The following PDS5A variants were observed in gnomAD, a reference collection of about 807,000 sequenced individuals.
The protein encoded by PDS5A is PDS5 cohesin associated factor A.
Under a neutral mutation model 167.1 loss-of-function variants are expected in PDS5A, and 42 were observed. The observed-to-expected ratio is 0.25, with a 90% CI of 0.20 to 0.33. PDS5A has a LOEUF of 0.33. PDS5A is among the 10% of genes least tolerant of loss of function. PDS5A has a pLI of 1.00. For missense variants in PDS5A, 1,033 were observed against 1,605.9 expected (o/e 0.64, Z 6.10); for synonymous variants, 553 against 554.6 (o/e 1.00, Z 0.04).
chr4:39,836,615 AT>A (rs71645192), intron 32 of PDS5A, among the ~76,000 whole-genome samples: 29,511 of 106,048 alleles, frequency 0.28, 2,745 homozygotes, highest in East Asian at 0.42. Flanking sequence ...ATTTTTTTCT[AT>A]TTTTTTTTTT....
At chr4:39,975,106 C>CAAAAA (rs57418654) in intron 2 of PDS5A, among the ~76,000 whole-genome samples, 1 of 85,230 alleles carries the variant, frequency 1.2e-5, no homozygotes, top group Non-Finnish European at 2.3e-5. Flanking sequence ...GACTCCGTCT[C>CAAAAA]AAAAAAAAAA....
At chr4:39,948,354 G>A (rs1219305766) in intron 2 of PDS5A, among the ~76,000 whole-genome samples, 1 of 105,900 alleles carries the variant, frequency 9.4e-6, no homozygotes, top group Non-Finnish European at 1.7e-5. Flanking sequence ...GTCTTGCTCT[G>A]TCACCCAGGC....
At chr4:39,836,615 A>ATTTTTTTT (rs71645192) in intron 32 of PDS5A, among the ~76,000 whole-genome samples, 249 of 106,046 alleles carry the variant, frequency 2.3e-3, no homozygotes, top group East Asian at 4.8e-3. Context: ...ATTTTTTTCT[A>ATTTTTTTT]TTTTTTTTTT....
chr4:39,969,395 G>A (rs138340016), intron 2 of PDS5A, among the ~76,000 whole-genome samples: 3 of 152,260 alleles, frequency 2.0e-5, no homozygotes, highest in African/African-American at 7.2e-5. Context: ...TAGCCAGGCA[G>A]AGTGGCTCAC....
chr4:39,927,343 G>A (rs1244050799), intron 3 of PDS5A, among the ~76,000 whole-genome samples: 1 of 152,178 alleles, frequency 6.6e-6, no homozygotes, highest in African/African-American at 2.4e-5. Context: ...TATGATTCAT[G>A]ATGGTAGTCT....
intron 21 of PDS5A, among the ~76,000 whole-genome samples, chr4:39,872,150 T>C (rs1408513439): frequency 6.6e-6 from 1 of 151,194 alleles, no homozygotes; most frequent in Admixed American, 6.6e-5. Context: ...TCTTAAAAAT[T>C]AGTCAAATTC....
intron 24 of PDS5A, 110 bp from the exon 25 acceptor site, chr4:39,863,183 T>A (rs1719142148): frequency 1.1e-6 from 1 of 938,614 alleles, no homozygotes; most frequent in African/African-American, 1.7e-5. Context: ...TATGGGAGAA[T>A]AAATAATGTA....
intron 9 of PDS5A, among the ~76,000 whole-genome samples, chr4:39,910,715 C>G (rs989368913): frequency 1.3e-5 from 2 of 152,128 alleles, no homozygotes; most frequent in South Asian, 2.1e-4. Context: ...ATAGGAGATT[C>G]CAGGCACGGT....
intron 3 of PDS5A, 53 bp from the exon 4 acceptor site, chr4:39,926,914 C>G (rs1725527774): frequency 3.1e-6 from 4 of 1,309,494 alleles, no homozygotes; most frequent in Non-Finnish European, 4.0e-6. Flanking sequence ...TCTTTCACAA[C>G]ACACTAATAG....
chr4:39,917,129 T>C lies in PDS5A; in HGVS notation c.795A>G (p.Val265=), dbSNP rs756785538. The stretch of plus-strand genomic sequence containing the variant: ...CAAAAAGTTCCTGAATCAGATCAAA[T>C]ACATGTTCTGACAAATCACTTACTG... ...RSSVSDLSEH[V]FDLIQELFAI... is the part of the protein sequence containing the mutation. The change falls in exon 8 of 33, where the codon GTA becomes GTG. Residue 265 remains valine (V), a synonymous_variant. Transcript: ENST00000303538. 1.0e-5 allele frequency: 16 copies of C among 1,563,976 alleles called. No individual in the cohort carries two copies. Among genetic ancestry groups the C allele is most frequent in the South Asian group, 1.2e-5 (1 of 82,416 alleles).
At chr4:39,958,363 C>G (rs1283714684) in intron 2 of PDS5A, among the ~76,000 whole-genome samples, 1 of 151,382 alleles carries the variant, frequency 6.6e-6, no homozygotes, top group African/African-American at 2.4e-5. Context: ...AAAATTTAAC[C>G]GGGCATGGTG....
chr4:39,956,810 C>T (rs1728965677), intron 2 of PDS5A, among the ~76,000 whole-genome samples: 1 of 151,884 alleles, frequency 6.6e-6, no homozygotes. Context: ...GTGGGCAGGA[C>T]TATAGGCGCC....
chr4:39,841,376 A>T (rs942849689), intron 31 of PDS5A, among the ~76,000 whole-genome samples: 2 of 152,120 alleles, frequency 1.3e-5, no homozygotes, highest in African/African-American at 4.8e-5. Context: ...TCACCTCATG[A>T]TCCACCCGCT....
intron 21 of PDS5A, among the ~76,000 whole-genome samples, chr4:39,871,000 C>T (rs550767665): frequency 6.6e-6 from 1 of 152,224 alleles, no homozygotes; most frequent in Admixed American, 6.5e-5. Context: ...AAAGGAACAA[C>T]ATTCTGATAC....
intron 12 of PDS5A, 37 bp from the exon 13 acceptor site, chr4:39,902,497 A>C: frequency 2.0e-5 from 20 of 977,486 alleles, no homozygotes; most frequent in South Asian, 3.0e-5. Context: ...CCTAAGTGAC[A>C]CAATTATTCC....
intron 16 of PDS5A, 171 bp downstream of exon 16, chr4:39,898,216 TGA>T: frequency 7.8e-7 from 1 of 1,286,510 alleles, no homozygotes; most frequent in Non-Finnish European, 9.8e-7. Flanking sequence ...GGAATGTGGC[TGA>T]GAGTGAATGG....
Position 39,930,246 on chromosome 4 carries a change from A to AAAAAAAAAAAAAAAAATTTTTTT in PDS5A, c.139-2083_139-2082insAAAAAAATTTTTTTTTTTTTTTT. Among the ~76,000 whole-genome samples the AAAAAAAAAAAAAAAAATTTTTTT allele has an allele frequency of 7.5e-5, 7 of 93,086 alleles. 1 individual carries two copies. The highest frequency in any genetic ancestry group is 1.1e-4 in the Non-Finnish European group (5 of 44,472). 61.1% of individuals were successfully genotyped at this position (93,086 alleles called of 152,430 possible). Reference sequence around the variant, plus strand: ...AAAAAAAAAAAAAAAAAAAAAAAAAAGTTTTTTTGTTTTTTGTTTTTTTTT... The same window carrying AAAAAAAAAAAAAAAAATTTTTTT: ...AAAAAAAAAAAAAAAAAAAAAAAAAAAAAAAAAAAAAAAAAATTTTTTTGTTTTTTTGTTTTTTGTTTTTTTTT... On this transcript the variant is annotated intron_variant, in intron 2 of 32. Transcript: ENST00000303538.
At chr4:39,830,655 C>A (rs966752910) in intron 32 of PDS5A, among the ~76,000 whole-genome samples, 1 of 152,172 alleles carries the variant, frequency 6.6e-6, no homozygotes, top group African/African-American at 2.4e-5. Flanking sequence ...AAACTCCTGA[C>A]CTCAAGTGAT....
intron 8 of PDS5A, among the ~76,000 whole-genome samples, chr4:39,916,386 T>A (rs1724387604): frequency 6.6e-6 from 1 of 151,852 alleles, no homozygotes; most frequent in African/African-American, 2.4e-5. Flanking sequence ...CATGAAAAGG[T>A]CATAAAATTG....
Sources: allele counts gnomAD v4.1 joint callset (sites outside exome capture counted in the v4.1 genomes callset), GRCh38; gene constraint gnomAD v4.1.1; transcripts MANE v1.5; gene names NCBI Gene and HGNC (gene_info 2026-07-23, HGNC 2026-07-21).